Variants in CNTLN observed in about 807,000 individuals in gnomAD.
The protein encoded by CNTLN is centlein, centrosomal protein.
Under a neutral mutation model 180.0 loss-of-function variants are expected in CNTLN, and 212 were observed. That is an observed-to-expected ratio of 1.18 (90% CI 1.05 to 1.32). The LOEUF (loss-of-function observed/expected upper bound fraction) is 1.32. Ranked by LOEUF, CNTLN falls within the 40% of genes most tolerant of loss-of-function variation. CNTLN has a pLI of 0.00. For synonymous variants in CNTLN, 722 were observed against 563.1 expected, an observed-to-expected ratio of 1.28 and a Z score of -3.99; for missense variants, 2,095 against 1,610.9, an observed-to-expected ratio of 1.30 and a Z score of -5.14.
chr9:17,144,822 A>T (rs1818336643), intron 2 of CNTLN, among the ~76,000 whole-genome samples: 1 of 148,472 alleles, frequency 6.7e-6, no homozygotes, highest in Admixed American at 6.7e-5. Flanking sequence ...TATTTATTTT[A>T]TTTTATTTTT....
chr9:17,368,736 C>A (rs1199474372), intron 13 of CNTLN, among the ~76,000 whole-genome samples: 1 of 152,188 alleles, frequency 6.6e-6, no homozygotes, highest in Non-Finnish European at 1.5e-5. Flanking sequence ...GGATCTTATC[C>A]AAGACTGCCC....
At chr9:17,422,267 T>C (rs530171248) in intron 18 of CNTLN, among the ~76,000 whole-genome samples, 1 of 152,280 alleles carries the variant, frequency 6.6e-6, no homozygotes, top group Admixed American at 6.5e-5. Context: ...TTAGAGCTCT[T>C]TTATACGTTA....
intron 6 of CNTLN, among the ~76,000 whole-genome samples, chr9:17,285,343 T>C (rs1162220286): frequency 6.7e-6 from 1 of 149,628 alleles, no homozygotes; most frequent in African/African-American, 2.5e-5. Context: ...CTCATCATTT[T>C]TTATGGCTGC....
At chr9:17,458,570 A>G (rs1831271850) in intron 19 of CNTLN, among the ~76,000 whole-genome samples, 1 of 151,924 alleles carries the variant, frequency 6.6e-6, no homozygotes, top group South Asian at 2.1e-4. Context: ...TTGAATTGTC[A>G]AATAGACTCA....
At chr9:17,315,597 G>A (rs902464543) in intron 8 of CNTLN, among the ~76,000 whole-genome samples, 1 of 151,956 alleles carries the variant, frequency 6.6e-6, no homozygotes, top group Admixed American at 6.5e-5. Flanking sequence ...GTCCTTGTGA[G>A]ATTCCAATTA....
intron 15 of CNTLN, among the ~76,000 whole-genome samples, chr9:17,400,749 A>G (rs939632922): frequency 6.6e-6 from 1 of 152,170 alleles, no homozygotes; most frequent in African/African-American, 2.4e-5. Context: ...CCCCATCCTC[A>G]GCATATTTGT....
downstream of CNTLN, among the ~76,000 whole-genome samples, chr9:17,507,082 A>G (rs1432187484): frequency 6.6e-6 from 1 of 152,050 alleles, no homozygotes; most frequent in Non-Finnish European, 1.5e-5. Context: ...GTTTCTAATA[A>G]TCTCATCACC....
At chr9:17,284,206 C>T (rs1443636788) in intron 6 of CNTLN, among the ~76,000 whole-genome samples, 1 of 151,982 alleles carries the variant, frequency 6.6e-6, no homozygotes, top group Non-Finnish European at 1.5e-5. Flanking sequence ...GATTTTGCAT[C>T]AATGTTCAGG....
chr9:17,359,725 C>CAAAAAAAAAAAAAAAAAAACCAAA (rs1823164375), intron 12 of CNTLN, among the ~76,000 whole-genome samples: 5 of 21,336 alleles, frequency 2.3e-4, no homozygotes, highest in East Asian at 6.5e-3. Context: ...ACTAAAAATA[C>CAAAAAAAAAAAAAAAAAAACCAAA]AAAAAAAAAA....
intron 5 of CNTLN, among the ~76,000 whole-genome samples, chr9:17,236,933 T>C (rs895875700): frequency 1.3e-5 from 2 of 152,180 alleles, no homozygotes; most frequent in Admixed American, 6.5e-5. Context: ...TGCAGTATAG[T>C]TTTTAAGACT....
At chr9:17,151,001 C>T (rs1479045509) in intron 2 of CNTLN, among the ~76,000 whole-genome samples, 1 of 152,100 alleles carries the variant, frequency 6.6e-6, no homozygotes, top group African/African-American at 2.4e-5. Flanking sequence ...GATTTTGTAT[C>T]CTGAGACTTT....
intron 18 of CNTLN, chr9:17,444,161 T>G (rs1830270674): frequency 6.6e-6 from 1 of 152,180 alleles, no homozygotes; most frequent in Non-Finnish European, 1.5e-5. Context: ...CACTCTAATG[T>G]TTTTAACGCT....
At position 17,280,226 on chromosome 9, in the gene CNTLN, C is replaced by A. The variant is rs575648446; in HGVS notation, c.983+6360C>A. ...AATATATTCTACAGAACTTAACATC[C>A]TTCATGAGGTGGGAAGAAGTATTGT... On this transcript the variant is annotated intron_variant, in intron 6 of 25. Coordinates refer to ENST00000380647, the MANE Select transcript of CNTLN (RefSeq NM_017738.4). 1.2e-4 allele frequency among the ~76,000 whole-genome samples: 19 copies of A among 152,258 alleles called. 1 individual carries two copies. The highest frequency in any genetic ancestry group is 4.1e-4 in the African/African-American group (17 of 41,538).
chr9:17,306,687 T>C (rs1479566038), intron 7 of CNTLN, among the ~76,000 whole-genome samples: 1 of 152,180 alleles, frequency 6.6e-6, no homozygotes, highest in African/African-American at 2.4e-5. Context: ...AGAAGGTATG[T>C]AGTTTTCTTT....
chr9:17,372,844 A>T (rs550986572), intron 13 of CNTLN, among the ~76,000 whole-genome samples: 1 of 152,298 alleles, frequency 6.6e-6, no homozygotes, highest in East Asian at 1.9e-4. Flanking sequence ...AATCAATGTG[A>T]TACATATTAT....
intron 3 of CNTLN, among the ~76,000 whole-genome samples, chr9:17,229,085 A>G (rs1824653780): frequency 6.6e-6 from 1 of 152,004 alleles, no homozygotes; most frequent in Admixed American, 6.6e-5. Context: ...TGAGAACAAG[A>G]TATTTACTGA....
At position 17,402,995 on chromosome 9, in the gene CNTLN, A is replaced by G. The variant is rs115615120; in HGVS notation, c.2616-6298A>G. Among the ~76,000 whole-genome samples the G allele has an allele frequency of 5.3e-3, 804 of 151,870 alleles. 32 individuals carry two copies. Among genetic ancestry groups the G allele is most frequent in the African/African-American group, 0.019 (771 of 41,224 alleles). On this transcript the variant is annotated intron_variant, in intron 15 of 25. Transcript: ENST00000380647. ...TACTTCCCACTCCCACTCCAAAAAAAGTAGTGAAGATTGAGATCAATGTTG... is the reference window on the plus strand; with the variant it reads ...TACTTCCCACTCCCACTCCAAAAAAGGTAGTGAAGATTGAGATCAATGTTG...
intron 23 of CNTLN, among the ~76,000 whole-genome samples, chr9:17,472,840 T>C (rs1464155930): frequency 6.6e-6 from 1 of 152,208 alleles, no homozygotes; most frequent in Non-Finnish European, 1.5e-5. Flanking sequence ...CTATTTCTTT[T>C]TGTGCTCATA....
At chr9:17,474,260 C>CA (rs1490380372) in intron 23 of CNTLN, among the ~76,000 whole-genome samples, 1 of 152,008 alleles carries the variant, frequency 6.6e-6, no homozygotes, top group Non-Finnish European at 1.5e-5. Context: ...TTAACATGTA[C>CA]AAAAAAGTTG....
Sources: gnomAD v4.1 joint callset for allele counts (sites outside exome capture counted in the v4.1 genomes callset) on GRCh38, gnomAD v4.1.1 for gene constraint, MANE v1.5 for transcripts, NCBI Gene and HGNC (gene_info 2026-07-23, HGNC 2026-07-21) for gene names.